The following GARIN1A variants were observed in gnomAD, a reference collection of about 807,000 sequenced individuals.
GARIN1A encodes the protein Golgi-associated RAB2 interactor protein 1A.
chr7:128,708,914 G>C, the GARIN1A span: 1 of 152,138 alleles, frequency 6.6e-6, no homozygotes, highest in Non-Finnish European at 1.5e-5. Context: ...TGGGCTCATG[G>C]CCACCCAGTG....
chr7:128,675,259 G>C, the GARIN1A span, among the ~76,000 whole-genome samples: 1 of 152,232 alleles, frequency 6.6e-6, no homozygotes, highest in African/African-American at 2.4e-5. Context: ...AGCTGTCTGG[G>C]TCTTCCCCAT....
the GARIN1A span, chr7:128,675,663 G>A: frequency 1.2e-6 from 2 of 1,612,858 alleles, no homozygotes; most frequent in Middle Eastern, 1.6e-4. Flanking sequence ...TGTACCTGAG[G>A]CTGATTTCCA....
chr7:128,708,809 G>A, the GARIN1A span, among the ~76,000 whole-genome samples: 1 of 152,226 alleles, frequency 6.6e-6, no homozygotes, highest in East Asian at 1.9e-4. Flanking sequence ...GTATGGCAAG[G>A]GGAGTCATTC....
chr7:128,678,012 T>TTTA, the GARIN1A span: 6 of 235,874 alleles, frequency 2.5e-5, no homozygotes, highest in Non-Finnish European at 2.2e-5. Context: ...TTTAGAAATG[T>TTTA]TTCTTTTTTT....
At chr7:128,675,240 C>T in the GARIN1A span, among the ~76,000 whole-genome samples, 1 of 152,194 alleles carries the variant, frequency 6.6e-6, no homozygotes, top group African/African-American at 2.4e-5. Context: ...CCAAACCTCC[C>T]TCAACTCAAG....
At chr7:128,672,307 G>A in the GARIN1A span, 5 of 1,122,832 alleles carry the variant, frequency 4.5e-6, no homozygotes, top group South Asian at 6.4e-5. Context: ...ATGCTGGGGA[G>A]GTGGGGGCAG....
chr7:128,676,810 G>T, the GARIN1A span, among the ~76,000 whole-genome samples: 1 of 151,960 alleles, frequency 6.6e-6, no homozygotes, highest in Admixed American at 6.6e-5. Context: ...CACTTAATAA[G>T]ATCTAAACTT....
chr7:128,672,223 A>G, the GARIN1A span: 1 of 541,530 alleles, frequency 1.8e-6, no homozygotes, highest in Non-Finnish European at 3.3e-6. Flanking sequence ...ACATTCCTTG[A>G]TGTCATTCCT....
At chr7:128,699,145 A>G in the GARIN1A span, among the ~76,000 whole-genome samples, 2 of 152,240 alleles carry the variant, frequency 1.3e-5, no homozygotes, top group South Asian at 4.1e-4. Context: ...CTTAATGAAC[A>G]TTTAAATGAA....
chr7:128,686,332 A>C, the GARIN1A span: 1 of 152,238 alleles, frequency 6.6e-6, no homozygotes, highest in Non-Finnish European at 1.5e-5. Context: ...CTGACTTTAC[A>C]AAGATCACAT....
chr7:128,698,511 G>C, the GARIN1A span, among the ~76,000 whole-genome samples: 1 of 152,046 alleles, frequency 6.6e-6, no homozygotes, highest in African/African-American at 2.4e-5. Flanking sequence ...AATCTCTTCT[G>C]GGCTGTCTGT....
At chr7:128,708,841 G>A in the GARIN1A span, among the ~76,000 whole-genome samples, 4 of 152,178 alleles carry the variant, frequency 2.6e-5, no homozygotes, top group South Asian at 8.3e-4. Context: ...TTCTTCCCAC[G>A]GGTTGCTAAT....
the GARIN1A span, among the ~76,000 whole-genome samples, chr7:128,676,050 C>T: frequency 7.7e-5 from 11 of 143,618 alleles, no homozygotes; most frequent in South Asian, 1.7e-3. Context: ...GACAGAGTCT[C>T]GCTCTGTTGC....
At chr7:128,699,031 T>C in the GARIN1A span, among the ~76,000 whole-genome samples, 2 of 152,348 alleles carry the variant, frequency 1.3e-5, no homozygotes, top group South Asian at 4.1e-4. Flanking sequence ...AGTCCTGGTT[T>C]CTGTCCTTAT....
the GARIN1A span, among the ~76,000 whole-genome samples, chr7:128,702,296 G>T: frequency 2.0e-5 from 3 of 152,072 alleles, no homozygotes; most frequent in African/African-American, 2.4e-5. Flanking sequence ...TTCTCTAAAA[G>T]GTAAAGCAAA....
At chr7:128,702,850 A>G in the GARIN1A span, among the ~76,000 whole-genome samples, 1 of 152,238 alleles carries the variant, frequency 6.6e-6, no homozygotes, top group African/African-American at 2.4e-5. Context: ...AAGTAAAAGG[A>G]CAGAGAAAGC....
chr7:128,682,948 C>G, the GARIN1A span: 1 of 1,549,810 alleles, frequency 6.5e-7, no homozygotes, highest in Non-Finnish European at 8.7e-7. Flanking sequence ...CCCCAAAATT[C>G]CCTGGGCTCC....
At chr7:128,674,313 C>T in the GARIN1A span, among the ~76,000 whole-genome samples, 2 of 152,258 alleles carry the variant, frequency 1.3e-5, no homozygotes, top group East Asian at 3.9e-4. Flanking sequence ...TTGATAGAGA[C>T]AGGGTCTCAC....
the GARIN1A span, among the ~76,000 whole-genome samples, chr7:128,700,153 G>A: frequency 6.6e-6 from 1 of 151,708 alleles, no homozygotes; most frequent in Non-Finnish European, 1.5e-5. Context: ...GTGCAGTGGT[G>A]CATCATAGGC....
Sources: allele counts gnomAD v4.1 joint callset (sites outside exome capture counted in the v4.1 genomes callset), GRCh38; gene constraint gnomAD v4.1.1; transcripts MANE v1.5; gene names NCBI Gene and HGNC (gene_info 2026-07-23, HGNC 2026-07-21).